PKHD1L1: variants seen among roughly 807,000 people sequenced by gnomAD.
PKHD1L1 encodes PKHD1 like 1, also known as fibrocystin-L.
PKHD1L1 carries 434 observed loss-of-function variants against 462.9 expected under a neutral mutation model. The ratio of observed to expected loss-of-function variants is 0.94; its 90% CI spans 0.87 to 1.02. The LOEUF is 1.02. Ranked by LOEUF, PKHD1L1 falls within the 50% of genes least tolerant of loss-of-function variation. The pLI is 0.00. For synonymous variants in PKHD1L1, 1,781 were observed against 1,750.0 expected (o/e 1.02, Z -0.44); for missense variants, 5,202 against 5,096.1 (o/e 1.02, Z -0.63).
rs551520383 is a variant in PKHD1L1, at chr8:109,470,451, T to C, written c.8605+3682T>C. ...AAGGCAAATCAAAATGTGAAAGGAATGGATTGGTTAAAGCCCAGATAGCGC... is the reference window on the plus strand; with the variant it reads ...AAGGCAAATCAAAATGTGAAAGGAACGGATTGGTTAAAGCCCAGATAGCGC... On this transcript the variant is annotated intron_variant, in intron 50 of 77. Coordinates refer to ENST00000378402, the MANE Select transcript of PKHD1L1 (RefSeq NM_177531.6). 5.0e-6 allele frequency: 8 copies of C among 1,600,472 alleles called. No homozygotes were observed. The South Asian group carries it at 5.6e-5, about 11-fold the overall frequency.
intron 9 of PKHD1L1, 38 bp from the exon 10 acceptor site, chr8:109,394,377 G>T: frequency 7.6e-7 from 1 of 1,315,572 alleles, no homozygotes; most frequent in South Asian, 1.5e-5. Context: ...CTAAATTAAA[G>T]ATCATTTAAA....
chr8:109,418,274 G>A (rs10092565), intron 21 of PKHD1L1, among the ~76,000 whole-genome samples: 44,970 of 151,350 alleles, frequency 0.3, 7,202 homozygotes, highest in Admixed American at 0.43. Context: ...ACTTAATGTC[G>A]TTTGCATACA....
At chr8:109,428,180 A>G (rs529428631) in intron 25 of PKHD1L1, among the ~76,000 whole-genome samples, 1 of 152,310 alleles carries the variant, frequency 6.6e-6, no homozygotes, top group Non-Finnish European at 1.5e-5. Context: ...CTTATGATTC[A>G]TCACTATCAC....
rs1820846110 is a variant in PKHD1L1, at chr8:109,526,932, A to G, written c.12633A>G (p.Ile4211Met). The change falls in exon 77 of 78, where the codon ATA becomes ATG. Residue 4211 changes from isoleucine (I) to methionine (M), a missense_variant. Coordinates refer to ENST00000378402, the MANE Select transcript of PKHD1L1 (RefSeq NM_177531.6). Reference protein sequence around the residue: ...KASTVGTYAQIMTVVISCLVG... With the variant: ...KASTVGTYAQMMTVVISCLVG... The stretch of plus-strand genomic sequence containing the variant: ...CAACTGTGGGTACATATGCCCAGAT[A>G]ATGACTGTAGTAATTAGCTGTCTGG... The G allele has an allele frequency of 6.2e-7, 1 of 1,613,722 alleles. No homozygotes were observed. The highest frequency in any genetic ancestry group is 8.5e-7 in the Non-Finnish European group (1 of 1,179,860).
chr8:109,445,439 A>T lies in PKHD1L1; in HGVS notation c.5570A>T (p.Tyr1857Phe). 1 of 1,614,008 alleles carries T rather than the reference A, an allele frequency of 6.2e-7. No individual in the cohort carries two copies. Among genetic ancestry groups the T allele is most frequent in the Non-Finnish European group, 8.5e-7 (1 of 1,179,906 alleles). ...TTLVITGNGF[Y>F]PGNTTVTIGD... ...CTGGTGATCACAGGAAATGGCTTCT[A>T]TCCAGGCAACACTACAGTCACTATT... is the stretch of plus-strand genomic sequence containing the variant. Residue 1857 changes from tyrosine to phenylalanine, a missense_variant, in exon 38 of 78, where the codon TAT (tyrosine) becomes TTT (phenylalanine). This residue lies in a region of PKHD1L1 where 4,497 missense variants were observed against 4,336.8 expected (regional missense o/e 1.04). Transcript: ENST00000378402.
At chr8:109,488,132 A>G (rs1818650194) in intron 59 of PKHD1L1, among the ~76,000 whole-genome samples, 1 of 151,982 alleles carries the variant, frequency 6.6e-6, no homozygotes, top group Admixed American at 6.6e-5. Flanking sequence ...TCTCCCCTAA[A>G]CAACTATTTG....
At chr8:109,426,588 A>T (rs1156890260) in intron 24 of PKHD1L1, among the ~76,000 whole-genome samples, 1 of 152,178 alleles carries the variant, frequency 6.6e-6, no homozygotes, top group African/African-American at 2.4e-5. Context: ...AGAGTTTGCA[A>T]GTGATAATAC....
intron 71 of PKHD1L1, among the ~76,000 whole-genome samples, chr8:109,514,302 CTTTTTTCT>C (rs1363185469): frequency 2.0e-5 from 3 of 152,144 alleles, no homozygotes; most frequent in Non-Finnish European, 4.4e-5. Flanking sequence ...CCCTGATTTA[CTTTTTTCT>C]TTTCTCCACA....
Position 109,464,337 on chromosome 8 carries a change from C to T in PKHD1L1, c.7505C>T (p.Ala2502Val), listed in dbSNP as rs2130829551. 1 of 1,613,200 alleles carries T rather than the reference C, an allele frequency of 6.2e-7. No individual in the cohort carries two copies. The highest frequency in any genetic ancestry group is 1.1e-5 in the South Asian group (1 of 91,012). Residue 2502 changes from alanine to valine, a missense_variant, in exon 49 of 78, where the codon GCT becomes GTT. This residue lies in a region of PKHD1L1 where 4,497 missense variants were observed against 4,336.8 expected (regional missense o/e 1.04). Transcript: ENST00000378402. ...GCAATTCACCAGGCCTATAACAGAG[C>T]TGTTACTATTCATAACACACACCAT... is the stretch of plus-strand genomic sequence containing the variant. ...GCAIHQAYNR[A>V]VTIHNTHHLL...
intron 35 of PKHD1L1, 25 bp from the exon 36 acceptor site, chr8:109,442,921 T>A (rs746182009): frequency 6.2e-7 from 1 of 1,604,530 alleles, no homozygotes; most frequent in South Asian, 1.1e-5. Context: ...TTATATTTAT[T>A]ACGTACAATC....
intron 7 of PKHD1L1, 73 bp from the exon 8 acceptor site, chr8:109,389,006 T>C: frequency 1.9e-6 from 2 of 1,051,860 alleles, no homozygotes; most frequent in Non-Finnish European, 2.8e-6. Flanking sequence ...TAATGAGTAG[T>C]TTTTAAGAGA....
At chr8:109,427,833 C>T (rs1053011000) in intron 25 of PKHD1L1, among the ~76,000 whole-genome samples, 1 of 151,854 alleles carries the variant, frequency 6.6e-6, no homozygotes, top group African/African-American at 2.4e-5. Flanking sequence ...GCCTGACCAA[C>T]ATGGTGAAAT....
chr8:109,439,112 C>G lies in PKHD1L1; in HGVS notation c.3956+20C>G, dbSNP rs567282116. The G allele has an allele frequency of 6.2e-7, 1 of 1,601,060 alleles. No homozygotes were observed. The highest frequency in any genetic ancestry group is 2.2e-5 in the East Asian group (1 of 44,688). ...AACAAGGTATGATAATGAACATAAACTTGATGGAGTTGTAGAACACATGGG... is the reference window on the plus strand; with the variant it reads ...AACAAGGTATGATAATGAACATAAAGTTGATGGAGTTGTAGAACACATGGG... On this transcript the variant is annotated intron_variant, in intron 32 of 77. Transcript: ENST00000378402.
At chr8:109,429,516 G>A (rs1285016983) in intron 26 of PKHD1L1, 54 bp downstream of exon 26, 4 of 1,512,362 alleles carry the variant, frequency 2.6e-6, no homozygotes, top group African/African-American at 2.8e-5. Context: ...AGTATAACTA[G>A]TTTGTAATAT....
At chr8:109,448,661 G>A (rs1446898920) in intron 39 of PKHD1L1, among the ~76,000 whole-genome samples, 4 of 150,824 alleles carry the variant, frequency 2.7e-5, no homozygotes, top group Non-Finnish European at 5.9e-5. Context: ...ACAGGCGCCC[G>A]CCACCATGCC....
At chr8:109,432,176 A>G (rs889442020) in intron 27 of PKHD1L1, among the ~76,000 whole-genome samples, 2 of 152,104 alleles carry the variant, frequency 1.3e-5, no homozygotes, top group Non-Finnish European at 2.9e-5. Flanking sequence ...ACCATTTACT[A>G]TATTTTATGT....
chr8:109,506,382 G>T (rs1819693573), intron 68 of PKHD1L1, among the ~76,000 whole-genome samples: 1 of 152,286 alleles, frequency 6.6e-6, no homozygotes, highest in South Asian at 2.1e-4. Flanking sequence ...TACAAGACTG[G>T]CTGCTTTGTC....
At position 109,509,763 on chromosome 8, in the gene PKHD1L1, G is replaced by A. The variant is rs1226632954; in HGVS notation, c.11396-1014G>A. ...GTAGGATTTATATTTTGTATGCTAA[G>A]GAAAAGGTTAGGCAATACATGAACT... On this transcript the variant is annotated intron_variant, in intron 70 of 77. Coordinates refer to ENST00000378402, the MANE Select transcript of PKHD1L1 (RefSeq NM_177531.6). 2.6e-5 allele frequency among the ~76,000 whole-genome samples: 4 copies of A among 151,848 alleles called. No homozygotes were observed. The South Asian group carries it at 8.3e-4, about 32-fold the overall frequency.
At chr8:109,366,226 T>G (rs927670953) in intron 2 of PKHD1L1, among the ~76,000 whole-genome samples, 1 of 152,184 alleles carries the variant, frequency 6.6e-6, no homozygotes, top group Non-Finnish European at 1.5e-5. Flanking sequence ...AAGCCCAGAG[T>G]GTCATTTGGT....
Sources: gnomAD v4.1 joint callset for allele counts (sites outside exome capture counted in the v4.1 genomes callset) on GRCh38, gnomAD v4.1.1 for gene constraint, gnomAD v4.1.1 regional missense constraint, MANE v1.5 for transcripts, NCBI Gene and HGNC (gene_info 2026-07-23, HGNC 2026-07-21) for gene names.